The following EYS variants were observed in gnomAD, a reference collection of about 807,000 sequenced individuals.
The protein encoded by EYS is protein eyes shut homolog.
In EYS, 250 loss-of-function variants were observed where a neutral mutation model predicts 282.1. The ratio of observed to expected loss-of-function variants is 0.89; its 90% CI spans 0.80 to 0.98. EYS has a LOEUF of 0.98. Among genes scored for constraint, EYS ranks in the 50% least tolerant of loss-of-function variants. The probability of loss-of-function intolerance (pLI) is 0.00; values close to 1 mark genes in which losing one functional copy is unlikely to be tolerated. For missense variants in EYS, 4,016 were observed against 3,709.0 expected (o/e 1.08, Z -2.15); for synonymous variants, 1,355 against 1,282.9 (o/e 1.06, Z -1.20).
intron 30 of EYS, among the ~76,000 whole-genome samples, chr6:64,253,207 AAAC>A (rs1281903455): frequency 3.3e-5 from 5 of 152,182 alleles, no homozygotes; most frequent in Admixed American, 6.6e-5. Flanking sequence ...GGCTTAAAAT[AAAC>A]AACATTTTAA....
At chr6:64,781,234 T>A (rs181970668) in intron 22 of EYS, among the ~76,000 whole-genome samples, 4 of 151,622 alleles carry the variant, frequency 2.6e-5, no homozygotes, top group Admixed American at 2.0e-4. Context: ...TTCCCAAATA[T>A]CGCATGTGTC....
chr6:63,879,539 C>G (rs1299752134), intron 35 of EYS, among the ~76,000 whole-genome samples: 1 of 152,098 alleles, frequency 6.6e-6, no homozygotes, highest in Non-Finnish European at 1.5e-5. Flanking sequence ...ATAGAAAGAT[C>G]CCCATGTGTA....
chr6:64,330,062 C>T (rs907447558), intron 29 of EYS, among the ~76,000 whole-genome samples: 2 of 152,118 alleles, frequency 1.3e-5, no homozygotes, highest in African/African-American at 2.4e-5. Context: ...TTTCATGCCA[C>T]CAAGTGACCG....
At chr6:64,588,473 G>C (rs969751382) in intron 26 of EYS, among the ~76,000 whole-genome samples, 2 of 151,962 alleles carry the variant, frequency 1.3e-5, no homozygotes, top group African/African-American at 4.8e-5. Context: ...AACAGGAAAG[G>C]GGTTGTCTAG....
At chr6:64,291,298 AAT>A (rs1387428607) in intron 30 of EYS, among the ~76,000 whole-genome samples, 1 of 152,080 alleles carries the variant, frequency 6.6e-6, no homozygotes, top group Admixed American at 6.6e-5. Flanking sequence ...CAAAATGAAC[AAT>A]CTTTTTATTG....
intron 25 of EYS, among the ~76,000 whole-genome samples, chr6:64,592,755 G>C (rs1766451978): frequency 6.6e-6 from 1 of 152,012 alleles, no homozygotes; most frequent in Admixed American, 6.6e-5. Flanking sequence ...TAATTTGATA[G>C]GAATATAAAT....
At chr6:65,298,667 T>C (rs1768731390) in intron 11 of EYS, among the ~76,000 whole-genome samples, 1 of 151,670 alleles carries the variant, frequency 6.6e-6, no homozygotes, top group African/African-American at 2.4e-5. Flanking sequence ...TCCCTTATTG[T>C]TTAGCATTAC....
chr6:65,086,387 C>A (rs186020008), intron 12 of EYS, among the ~76,000 whole-genome samples: 3 of 152,090 alleles, frequency 2.0e-5, no homozygotes, highest in Admixed American at 2.0e-4. Context: ...CTTCTTTCTT[C>A]TAAGCTATGC....
Position 65,123,781 on chromosome 6 carries a change from C to CACACAA in EYS, c.2024-66055_2024-66054insTTGTGT, listed in dbSNP as rs1266324900. Reference sequence around the variant, plus strand: ...ACCCACACACACACACACACACACACACACACTAGTTTAGTCTCCCAAAGA... The same window carrying CACACAA: ...ACCCACACACACACACACACACACACACACAAACACACTAGTTTAGTCTCCCAAAGA... On this transcript the variant is annotated intron_variant, in intron 12 of 42. Transcript: ENST00000503581. Among the ~76,000 whole-genome samples, 12 of 151,938 alleles carry CACACAA rather than the reference C, an allele frequency of 7.9e-5. 1 individual carries two copies. Among genetic ancestry groups the CACACAA allele is most frequent in the Admixed American group, 5.2e-4 (8 of 15,262 alleles).
chr6:65,517,753 C>A (rs1337353808), intron 2 of EYS, among the ~76,000 whole-genome samples: 1 of 151,804 alleles, frequency 6.6e-6, no homozygotes, highest in Admixed American at 6.6e-5. Context: ...ATACAGGACA[C>A]CAACGACAGA....
At chr6:65,270,999 C>A (rs1006823219) in intron 12 of EYS, among the ~76,000 whole-genome samples, 2 of 151,462 alleles carry the variant, frequency 1.3e-5, no homozygotes, top group South Asian at 2.1e-4. Context: ...GCATATACTT[C>A]TTTCAGCTTC....
intron 30 of EYS, among the ~76,000 whole-genome samples, chr6:64,232,126 G>C (rs1161155947): frequency 6.6e-6 from 1 of 152,110 alleles, no homozygotes; most frequent in Non-Finnish European, 1.5e-5. Flanking sequence ...GTGCAGGTCA[G>C]TTCTTTCGCA....
intron 8 of EYS, among the ~76,000 whole-genome samples, chr6:65,355,344 C>T (rs534871906): frequency 2.0e-5 from 3 of 152,072 alleles, no homozygotes; most frequent in East Asian, 3.9e-4. Flanking sequence ...ACCACCTGTA[C>T]CCCCAAAAGT....
chr6:64,017,678 G>C (rs111934871), intron 33 of EYS, among the ~76,000 whole-genome samples: 1 of 152,124 alleles, frequency 6.6e-6, no homozygotes, highest in Admixed American at 6.5e-5. Flanking sequence ...CCTGCTGTCT[G>C]CTCTACCCAC....
intron 12 of EYS, among the ~76,000 whole-genome samples, chr6:65,148,292 T>A (rs1261341260): frequency 1.3e-5 from 2 of 152,070 alleles, no homozygotes; most frequent in African/African-American, 4.8e-5. Context: ...ACAATGGGGG[T>A]ACAGGCATTG....
intron 13 of EYS, among the ~76,000 whole-genome samples, chr6:65,013,515 A>C (rs902606122): frequency 3.3e-5 from 5 of 152,320 alleles, no homozygotes; most frequent in Non-Finnish European, 4.4e-5. Context: ...TTATGTAAGT[A>C]GAATTCCAAT....
chr6:65,073,977 C>T (rs999840490), intron 12 of EYS, among the ~76,000 whole-genome samples: 1 of 151,918 alleles, frequency 6.6e-6, no homozygotes, highest in Non-Finnish European at 1.5e-5. Flanking sequence ...GGAGGTGGTA[C>T]GTTGCCACTG....
intron 36 of EYS, among the ~76,000 whole-genome samples, chr6:63,831,987 AG>A (rs1771652644): frequency 6.6e-6 from 1 of 152,246 alleles, no homozygotes; most frequent in Non-Finnish European, 1.5e-5. Flanking sequence ...AACGAAATGA[AG>A]GCAGAAATAA....
rs770627652 is a variant in EYS, at chr6:63,953,150, C to A, written c.7055+31233G>T. Among the ~76,000 whole-genome samples, 17 of 152,090 alleles carry A rather than the reference C, an allele frequency of 1.1e-4. 1 individual carries two copies. The highest frequency in any genetic ancestry group is 2.1e-4 in the Non-Finnish European group (14 of 68,010). ...TTAAAGATGGTTTTTTCACTATTCC[C>A]CTGCACCCCTCATCCCAGCCTGTTT... is the stretch of plus-strand genomic sequence containing the variant. On this transcript the variant is annotated intron_variant, in intron 35 of 42. Transcript: ENST00000503581.
Sources: allele counts gnomAD v4.1 joint callset (sites outside exome capture counted in the v4.1 genomes callset), GRCh38; gene constraint gnomAD v4.1.1; transcripts MANE v1.5; gene names NCBI Gene and HGNC (gene_info 2026-07-23, HGNC 2026-07-21).